Variants in MYH7 observed in about 807,000 individuals in gnomAD.
MYH7 encodes myosin heavy chain 7.
In MYH7, 129 loss-of-function variants were observed where a neutral mutation model predicts 225.4. That is an observed-to-expected ratio of 0.57 (90% CI 0.50 to 0.66). The LOEUF is 0.66. Ranked by LOEUF, MYH7 falls within the 30% of genes least tolerant of loss-of-function variation. The pLI, the probability that MYH7 is intolerant of heterozygous loss-of-function variation, is 0.00. For missense variants in MYH7, 1,649 were observed against 2,517.0 expected, an observed-to-expected ratio of 0.66 and a Z score of 7.38; for synonymous variants, 971 against 1,007.6, an observed-to-expected ratio of 0.96 and a Z score of 0.69.
chr14:23,427,989 T>G lies in MYH7; in HGVS notation c.1579-95A>C, dbSNP rs1007712353. The G allele has an allele frequency of 4.0e-6, 6 of 1,500,766 alleles. No individual in the cohort carries two copies. In the African/African-American group the frequency reaches 5.5e-5, roughly 14 times the overall value. The allele number at this position is 1,500,766 out of a possible 1,614,324, so 93.0% of individuals were successfully genotyped here. A position where few individuals can be genotyped will look rare whatever the true frequency, so the allele number is the denominator to read the frequency against. The stretch of plus-strand genomic sequence containing the variant: ...AATATACTTGCTCGTGGAGGTGCCA[T>G]GTTGGGTGTTAAGGTAGTAGGCTCA... On this transcript the variant is annotated intron_variant, in intron 15 of 39. Coordinates refer to ENST00000355349, the MANE Select transcript of MYH7 (RefSeq NM_000257.4).
At position 23,415,887 on chromosome 14, in the gene MYH7, A is replaced by G. The variant is rs1337922554; in HGVS notation, c.4954-55T>C. On this transcript the variant is annotated intron_variant, in intron 34 of 39. Transcript: ENST00000355349. This position sits in a 1 kb window ranked among gnomAD's most constrained non-coding sequence, Gnocchi z 6.3. ...GGAGCCAGCCTCGGTTCCCTTCACT[A>G]AAGGCACCTGTCAGAGGTCCCTGCA... 5.6e-6 allele frequency: 9 copies of G among 1,613,324 alleles called. No homozygotes were observed. The African/African-American group carries it at 1.1e-4, about 19-fold the overall frequency.
At chr14:23,424,557 C>A (rs528147280) in intron 22 of MYH7, among the ~76,000 whole-genome samples, 3 of 152,326 alleles carry the variant, frequency 2.0e-5, no homozygotes, top group Non-Finnish European at 2.9e-5. Flanking sequence ...AGGTTGAACC[C>A]AAGTAGAAAG....
chr14:23,418,022 C>T (rs769758929), intron 30 of MYH7, 188 bp downstream of exon 30: 11 of 995,222 alleles, frequency 1.1e-5, no homozygotes, highest in South Asian at 5.1e-5. Context: ...GTCTTATATT[C>T]GGATCAGAAA....
Position 23,422,574 on chromosome 14 carries a change from CCTTT to C in MYH7, c.3100-253_3100-250del, listed in dbSNP as rs138565959. ...CAAAGCCGTATTCTTTCTTTCTTTCCCTTTCTTTCTTTCTTTCTTTCTCTCCTTT... is the reference window on the plus strand; with the variant it reads ...CAAAGCCGTATTCTTTCTTTCTTTCCCTTTCTTTCTTTCTTTCTCTCCTTT... On this transcript the variant is annotated intron_variant, in intron 24 of 39. Transcript: ENST00000355349. Among the ~76,000 whole-genome samples, 994 of 146,840 alleles carry C rather than the reference CCTTT, an allele frequency of 6.8e-3. 12 individuals carry two copies. Among genetic ancestry groups the C allele is most frequent in the South Asian group, 0.036 (171 of 4,720 alleles).
At position 23,416,160 on chromosome 14, in the gene MYH7, G is replaced by A. The variant is rs991408385; in HGVS notation, c.4797C>T (p.Thr1599=). 4 of 1,614,156 alleles carry A rather than the reference G, an allele frequency of 2.5e-6. No individual in the cohort carries two copies. The highest frequency in any genetic ancestry group is 2.5e-6 in the Non-Finnish European group (3 of 1,180,042). ...GGCTGCGTGTCTCTGCGTCCAGGGA[G>A]GTCTGCAGCGAGTCCACCACCCGCA... ...NHLRVVDSLQ[T]SLDAETRSRN... The change falls in exon 34 of 40, where the codon ACC becomes ACT. Residue 1599 remains threonine (T), a synonymous_variant. Coordinates refer to ENST00000355349, the MANE Select transcript of MYH7 (RefSeq NM_000257.4).
At chr14:23,428,916 T>C (rs1465213938) in intron 14 of MYH7, 39 bp downstream of exon 14, 4 of 1,613,866 alleles carry the variant, frequency 2.5e-6, no homozygotes, top group Admixed American at 1.7e-5. Flanking sequence ...TGGGAGCGAG[T>C]GAGTGATTGT....
chr14:23,426,191 T>A, intron 18 of MYH7, 110 bp from the exon 19 acceptor site: 2 of 1,240,478 alleles, frequency 1.6e-6, no homozygotes, highest in Non-Finnish European at 2.3e-6. Flanking sequence ...AGTCAGTTAG[T>A]AATAATCATT....
rs1893032881 is a variant in MYH7, at chr14:23,433,543, C to T, written c.190G>A (p.Glu64Lys). 1.2e-6 allele frequency: 2 copies of T among 1,614,066 alleles called. No individual in the cohort carries two copies. The highest frequency in any genetic ancestry group is 2.2e-5 in the East Asian group (1 of 44,880). Reference sequence around the variant, plus strand: ...AGCCTGACACCCACCTTGCCATACTCGGTCTCGGCAGTGACTTTGCCACCC... The same window carrying T: ...AGCCTGACACCCACCTTGCCATACTTGGTCTCGGCAGTGACTTTGCCACCC... Reference protein sequence around the residue: ...REGGKVTAETEYGKTVTVKED... With the variant: ...REGGKVTAETKYGKTVTVKED... The change falls in exon 3 of 40, where the codon GAG becomes AAG. Residue 64 changes from glutamate (E) to lysine (K), a missense_variant. Physicochemically the swap from Glu to Lys is moderately conservative, Grantham distance 56. This residue lies in a region of MYH7 where 91 missense variants were observed against 96.5 expected (regional missense o/e 0.94). Coordinates refer to ENST00000355349, the MANE Select transcript of MYH7 (RefSeq NM_000257.4). This position sits in a 1 kb window ranked among gnomAD's most constrained non-coding sequence, Gnocchi z 4.1.
At chr14:23,426,653 G>A in intron 18 of MYH7, 124 bp downstream of exon 18, 1 of 885,536 alleles carries the variant, frequency 1.1e-6, no homozygotes, top group South Asian at 1.4e-5. Context: ...GCCTCATGCG[G>A]GATGGGAGGA....
chr14:23,430,150 AC>A (rs2138678163), intron 11 of MYH7, among the ~76,000 whole-genome samples: 1 of 152,310 alleles, frequency 6.6e-6, no homozygotes, highest in South Asian at 2.1e-4. Context: ...GTCAGTGGCC[AC>A]AGCTTTTCTG....
intron 24 of MYH7, among the ~76,000 whole-genome samples, chr14:23,423,209 G>A (rs1456654848): frequency 1.3e-5 from 2 of 152,118 alleles, no homozygotes; most frequent in African/African-American, 4.8e-5. Flanking sequence ...AATTTATCAT[G>A]TTCTTATGAG....
chr14:23,423,589 G>C lies in MYH7; in HGVS notation c.3057C>G (p.Thr1019=). The stretch of plus-strand genomic sequence containing the variant: ...CCAGCTTGACTTTGGCCTTAGTCAG[G>C]GTGTTGACCTTGTCCTCCTCGGCCT... ...DLQAEEDKVN[T]LTKAKVKLEQ... Residue 1019 remains threonine (T), a synonymous_variant, in exon 24 of 40, where the codon ACC becomes ACG. Coordinates refer to ENST00000355349, the MANE Select transcript of MYH7 (RefSeq NM_000257.4). 1 of 1,613,962 alleles carries C rather than the reference G, an allele frequency of 6.2e-7. No individual in the cohort carries two copies. Among genetic ancestry groups the C allele is most frequent in the South Asian group, 1.1e-5 (1 of 91,072 alleles).
chr14:23,420,918 C>T (rs770995936), intron 26 of MYH7, 40 bp downstream of exon 26: 16 of 1,523,090 alleles, frequency 1.1e-5, no homozygotes, highest in Admixed American at 6.7e-5. Context: ...ACAGAACCAG[C>T]CCAGGGACTC....
At chr14:23,413,330 G>A (rs1381509090) in intron 39 of MYH7, among the ~76,000 whole-genome samples, 4 of 152,142 alleles carry the variant, frequency 2.6e-5, no homozygotes, top group Non-Finnish European at 4.4e-5. Flanking sequence ...CTGTAATCCC[G>A]TACTTTGGGA....
Position 23,431,499 on chromosome 14 carries a change from A to G in MYH7, c.733-18T>C. ...AATTTCCCCTGGAGAGATGGAAGAG[A>G]GTGGTGATGAGTTGGGGGAAGGCTC... On this transcript the variant is annotated intron_variant, in intron 8 of 39. Coordinates refer to ENST00000355349, the MANE Select transcript of MYH7 (RefSeq NM_000257.4). 1 of 1,613,998 alleles carries G rather than the reference A, an allele frequency of 6.2e-7. No homozygotes were observed. The highest frequency in any genetic ancestry group is 8.5e-7 in the Non-Finnish European group (1 of 1,179,878).
intron 22 of MYH7, 152 bp downstream of exon 22, chr14:23,424,617 G>C: frequency 5.4e-6 from 7 of 1,301,382 alleles, no homozygotes; most frequent in Non-Finnish European, 7.4e-6. Context: ...TCCTCCTCCT[G>C]AGGGACCTCT....
At chr14:23,430,843 G>A in intron 10 of MYH7, 58 bp downstream of exon 10, 1 of 1,411,126 alleles carries the variant, frequency 7.1e-7, no homozygotes, top group East Asian at 2.3e-5. Flanking sequence ...CCAGCCACAA[G>A]CAGAGGGGAC....
chr14:23,413,425 A>C (rs1418639938), intron 39 of MYH7, among the ~76,000 whole-genome samples: 2 of 152,170 alleles, frequency 1.3e-5, no homozygotes, highest in African/African-American at 4.8e-5. Context: ...AAAATATAAA[A>C]ATTAGCTAGA....
chr14:23,415,924 G>A lies in MYH7; in HGVS notation c.4953+80C>T. ...CAGAGGTCCCTGCAGTAACCTAGGG[G>A]CAGGAGGAATCTGGTGCCTGTATCA... On this transcript the variant is annotated intron_variant, in intron 34 of 39. Transcript: ENST00000355349. This position sits in a 1 kb window ranked among gnomAD's most constrained non-coding sequence, Gnocchi z 6.3. 6 of 1,613,260 alleles carry A rather than the reference G, an allele frequency of 3.7e-6. No individual in the cohort carries two copies. Among genetic ancestry groups the A allele is most frequent in the South Asian group, 3.3e-5 (3 of 91,028 alleles).
Sources: allele counts gnomAD v4.1 joint callset (sites outside exome capture counted in the v4.1 genomes callset), GRCh38; gene constraint gnomAD v4.1.1; regional missense constraint gnomAD v4.1.1; non-coding constraint Gnocchi (gnomAD v3.1); transcripts MANE v1.5; gene names NCBI Gene and HGNC (gene_info 2026-07-23, HGNC 2026-07-21).